Variants in FAM110B observed in about 807,000 individuals in gnomAD.
The protein encoded by FAM110B is protein FAM110B.
A neutral mutation model predicts 20.4 loss-of-function variants in FAM110B; 6 were observed. That is an observed-to-expected ratio of 0.29 (90% CI 0.16 to 0.58). The LOEUF is 0.58. FAM110B is among the 20% of genes least tolerant of loss of function. The pLI is 0.90. For synonymous variants in FAM110B, 226 were observed against 214.1 expected (o/e 1.06, Z -0.49); for missense variants, 434 against 498.2 (o/e 0.87, Z 1.23).
intron 3 of FAM110B, among the ~76,000 whole-genome samples, chr8:58,114,231 G>T (rs1047761791): frequency 2.0e-5 from 3 of 152,156 alleles, no homozygotes; most frequent in Non-Finnish European, 4.4e-5. Context: ...GGAAGGGCTT[G>T]TACTGGTCTG....
At chr8:58,069,153 A>G (rs1166498590) in intron 2 of FAM110B, among the ~76,000 whole-genome samples, 1 of 152,200 alleles carries the variant, frequency 6.6e-6, no homozygotes, top group Non-Finnish European at 1.5e-5. Flanking sequence ...TGGCTTCAGA[A>G]TAGTATTTCT....
chr8:58,091,203 G>A (rs940226032), intron 3 of FAM110B, among the ~76,000 whole-genome samples: 4 of 152,184 alleles, frequency 2.6e-5, no homozygotes, highest in African/African-American at 9.7e-5. Context: ...CTCTTCAGCT[G>A]GGAGTATGTT....
chr8:58,137,914 C>T (rs191078539), intron 3 of FAM110B, among the ~76,000 whole-genome samples: 27 of 152,350 alleles, frequency 1.8e-4, no homozygotes, highest in African/African-American at 6.3e-4. Context: ...GATCAAAACT[C>T]CACCTCTGGT....
chr8:58,078,785 C>T (rs1249858573), intron 3 of FAM110B, among the ~76,000 whole-genome samples: 2 of 151,932 alleles, frequency 1.3e-5, no homozygotes, highest in East Asian at 1.9e-4. Flanking sequence ...CTCCTGACCT[C>T]GTGATCCGCC....
At chr8:58,047,457 T>C (rs756664079) in intron 2 of FAM110B, among the ~76,000 whole-genome samples, 6 of 152,088 alleles carry the variant, frequency 3.9e-5, no homozygotes, top group Admixed American at 6.6e-5. Context: ...CTTTAGAAGT[T>C]CCAGAGTAGA....
intron 3 of FAM110B, among the ~76,000 whole-genome samples, chr8:58,116,600 C>A (rs990461126): frequency 1.3e-5 from 2 of 152,174 alleles, no homozygotes; most frequent in Non-Finnish European, 1.5e-5. Context: ...AATATGCCAA[C>A]CCTAATATTC....
intron 1 of FAM110B, among the ~76,000 whole-genome samples, chr8:58,011,601 G>A (rs185647205): frequency 3.0e-4 from 46 of 152,176 alleles, no homozygotes; most frequent in Admixed American, 7.2e-4. Context: ...TAGGACTCTC[G>A]TGTGATACAG....
chr8:57,995,207 G>A lies in FAM110B; in HGVS notation c.-512+401G>A, dbSNP rs1225360107. Among the ~76,000 whole-genome samples, 3 of 152,298 alleles carry A rather than the reference G, an allele frequency of 2.0e-5. No homozygotes were observed. In the East Asian group the frequency reaches 5.8e-4, roughly 30 times the overall value. ...CGGAGGTGGGCTCCGAAAGCGCGCC[G>A]CCGGTTGCTGCTGGAGGAGTGGGAC... On this transcript the variant is annotated intron_variant, in intron 1 of 3. Transcript: ENST00000519262.
intron 2 of FAM110B, among the ~76,000 whole-genome samples, chr8:58,075,219 C>A (rs1420496683): frequency 6.6e-6 from 1 of 150,968 alleles, no homozygotes; most frequent in East Asian, 1.9e-4. Flanking sequence ...GATTCTTGTG[C>A]CTCAGCCTCC....
Position 58,147,564 on chromosome 8 carries a change from C to T in FAM110B, c.*221C>T. The T allele has an allele frequency of 1.7e-6, 1 of 585,442 alleles. No homozygotes were observed. The highest frequency in any genetic ancestry group is 2.4e-5 in the South Asian group (1 of 41,746). The allele number at this position is 585,442 out of a possible 1,614,324, so 36.3% of individuals were successfully genotyped here. Reference sequence around the variant, plus strand: ...GCGTCATCTGCCAAAAGTTTCAGGCCAGAATCTAATTAGGGCTTTGCTCGT... The same window carrying T: ...GCGTCATCTGCCAAAAGTTTCAGGCTAGAATCTAATTAGGGCTTTGCTCGT... On this transcript the variant is annotated 3_prime_UTR_variant, in exon 4 of 4. Transcript: ENST00000519262.
intron 2 of FAM110B, among the ~76,000 whole-genome samples, chr8:58,065,520 G>A (rs896551580): frequency 2.0e-5 from 3 of 152,084 alleles, no homozygotes; most frequent in African/African-American, 7.2e-5. Context: ...GATGACTTCT[G>A]CAACAGAATT....
chr8:58,146,159 T>G lies in FAM110B; in HGVS notation c.-72T>G. ...CGCCGCCCTTGGCGCTTCATGTACATGTGTCTATTCAGGCCTTGCGGAGGC... is the reference window on the plus strand; with the variant it reads ...CGCCGCCCTTGGCGCTTCATGTACAGGTGTCTATTCAGGCCTTGCGGAGGC... On this transcript the variant is annotated 5_prime_UTR_variant, in exon 4 of 4. An upstream start codon of the reference 5' UTR is lost. Transcript: ENST00000519262. 2 of 1,501,988 alleles carry G rather than the reference T, an allele frequency of 1.3e-6. No homozygotes were observed. The highest frequency in any genetic ancestry group is 1.4e-5 in the African/African-American group (1 of 71,638). 93.0% of individuals were successfully genotyped at this position (1,501,988 alleles called of 1,614,324 possible).
intron 3 of FAM110B, among the ~76,000 whole-genome samples, chr8:58,086,009 C>G (rs550604555): frequency 1.3e-5 from 2 of 152,330 alleles, no homozygotes; most frequent in South Asian, 4.2e-4. Context: ...AAACTCCTTA[C>G]GACCTCAACT....
At chr8:58,072,099 G>C (rs140097643) in intron 2 of FAM110B, among the ~76,000 whole-genome samples, 5,085 of 152,274 alleles carry the variant, frequency 0.033, 111 homozygotes, top group South Asian at 0.078. Flanking sequence ...CTCATTTTGG[G>C]AAGGATAAAT....
intron 2 of FAM110B, among the ~76,000 whole-genome samples, chr8:58,061,431 A>G (rs960643152): frequency 1.3e-5 from 2 of 152,200 alleles, no homozygotes; most frequent in Admixed American, 6.5e-5. Context: ...AACATTCATC[A>G]TATGCTATCC....
chr8:58,043,190 C>A (rs1805254578), intron 2 of FAM110B: 1 of 152,210 alleles, frequency 6.6e-6, no homozygotes, highest in Non-Finnish European at 1.5e-5. Context: ...CTAGGTGCGT[C>A]CCTACCCAAG....
chr8:58,044,223 A>G (rs1267452412), intron 2 of FAM110B, among the ~76,000 whole-genome samples: 2 of 152,210 alleles, frequency 1.3e-5, no homozygotes, highest in African/African-American at 4.8e-5. Flanking sequence ...ATAATGTGCA[A>G]TCCTAGGGGT....
chr8:58,105,093 C>T (rs537178486), intron 3 of FAM110B, among the ~76,000 whole-genome samples: 1 of 151,472 alleles, frequency 6.6e-6, no homozygotes, highest in African/African-American at 2.4e-5. Flanking sequence ...GAACTAGGTG[C>T]CTTGGGTCAG....
Position 58,146,735 on chromosome 8 carries a change from C to A in FAM110B, c.505C>A (p.Gln169Lys), listed in dbSNP as rs1803876183. 1 of 1,612,022 alleles carries A rather than the reference C, an allele frequency of 6.2e-7. No individual in the cohort carries two copies. Residue 169 changes from glutamine (Q) to lysine (K), a missense_variant, in exon 4 of 4, where the codon CAG (glutamine) becomes AAG (lysine). By Grantham distance (53) the Gln-to-Lys change is moderately conservative. This residue lies in a region of FAM110B where 284 missense variants were observed against 278.3 expected (regional missense o/e 1.02). Transcript: ENST00000519262. ...FAESLKVYPT[Q>K]GRRSPQEGGS... ...GGAGTCCCTGAAGGTCTACCCCACG[C>A]AGGGCCGCAGGAGCCCGCAGGAGGG...
Sources: allele counts gnomAD v4.1 joint callset (sites outside exome capture counted in the v4.1 genomes callset), GRCh38; gene constraint gnomAD v4.1.1; regional missense constraint gnomAD v4.1.1; transcripts MANE v1.5; gene names NCBI Gene and HGNC (gene_info 2026-07-23, HGNC 2026-07-21).